NCOA1: variants seen among roughly 807,000 people sequenced by gnomAD.
The protein encoded by NCOA1 is nuclear receptor coactivator 1.
In NCOA1, 35 loss-of-function variants were observed where a neutral mutation model predicts 150.9. That is an observed-to-expected ratio of 0.23 (90% confidence interval 0.18 to 0.31). The LOEUF is 0.31. Ranked by LOEUF, NCOA1 falls within the 10% of genes least tolerant of loss-of-function variation. The pLI is 1.00. For missense variants in NCOA1, 1,491 were observed against 1,749.3 expected, an observed-to-expected ratio of 0.85 and a Z score of 2.63; for synonymous variants, 590 against 630.0, an observed-to-expected ratio of 0.94 and a Z score of 0.95.
At chr2:24,494,824 A>G (rs1663131366) in intron 1 of NCOA1, among the ~76,000 whole-genome samples, 1 of 152,202 alleles carries the variant, frequency 6.6e-6, no homozygotes. Context: ...CCCATTTGGG[A>G]AGACTAGACT....
At chr2:24,734,638 T>TA (rs1029889951) in intron 17 of NCOA1, among the ~76,000 whole-genome samples, 17 of 151,316 alleles carry the variant, frequency 1.1e-4, no homozygotes, top group Admixed American at 2.0e-4. Context: ...CTACCAAAAA[T>TA]AAAAAAAACC....
Position 24,707,277 on chromosome 2 carries a change from A to C in NCOA1, c.1807A>C (p.Ser603Arg). ...AATGATTCAATCTGACAACAGCTCTAGTGATGGCAAACCTCTGGATTCAGG... is the reference window on the plus strand; with the variant it reads ...AATGATTCAATCTGACAACAGCTCTCGTGATGGCAAACCTCTGGATTCAGG... ...NEMIQSDNSS[S>R]DGKPLDSGLL... is the part of the protein sequence containing the mutation. Residue 603 changes from serine (S) to arginine (R), a missense_variant, in exon 13 of 23, where the codon AGT (serine) becomes CGT (arginine). This residue lies in a region of NCOA1 where 703 missense variants were observed against 717.7 expected (regional missense o/e 0.98). Coordinates refer to ENST00000348332, the MANE Select transcript of NCOA1 (RefSeq NM_003743.5). 3.1e-6 allele frequency: 5 copies of C among 1,614,248 alleles called. No individual in the cohort carries two copies. The highest frequency in any genetic ancestry group is 4.2e-6 in the Non-Finnish European group (5 of 1,180,036).
intron 3 of NCOA1, among the ~76,000 whole-genome samples, chr2:24,638,429 G>A (rs557402588): frequency 6.6e-6 from 1 of 151,982 alleles, no homozygotes. Flanking sequence ...TGTAAATAGT[G>A]TTGCAGTCAA....
At chr2:24,668,768 G>A (rs942927357) in intron 6 of NCOA1, among the ~76,000 whole-genome samples, 1 of 150,874 alleles carries the variant, frequency 6.6e-6, no homozygotes, top group South Asian at 2.1e-4. Context: ...GTTGGAGCAG[G>A]TGGATAGAGG....
At chr2:24,655,863 C>T (rs551409165) in intron 4 of NCOA1, among the ~76,000 whole-genome samples, 1 of 151,588 alleles carries the variant, frequency 6.6e-6, no homozygotes, top group African/African-American at 2.4e-5. Flanking sequence ...CCGAGGTGGG[C>T]AGATCACTAG....
At chr2:24,592,638 T>C (rs1302893070) in intron 3 of NCOA1, among the ~76,000 whole-genome samples, 2 of 148,754 alleles carry the variant, frequency 1.3e-5, no homozygotes, top group Admixed American at 1.4e-4. Context: ...TGGTTTCTTG[T>C]AGAGGCTCCT....
At chr2:24,498,547 G>A (rs1663320910) in intron 1 of NCOA1, among the ~76,000 whole-genome samples, 1 of 152,174 alleles carries the variant, frequency 6.6e-6, no homozygotes, top group Non-Finnish European at 1.5e-5. Context: ...GTAGACAAAA[G>A]CATTGAGGGC....
intron 22 of NCOA1, among the ~76,000 whole-genome samples, chr2:24,765,784 A>G: frequency 6.6e-6 from 1 of 152,192 alleles, no homozygotes; most frequent in East Asian, 1.9e-4. Context: ...AGTTGTGACA[A>G]TATAAGAAGT....
intron 3 of NCOA1, among the ~76,000 whole-genome samples, chr2:24,623,007 G>C (rs1025628639): frequency 3.3e-5 from 5 of 152,142 alleles, no homozygotes; most frequent in Non-Finnish European, 7.3e-5. Context: ...ATATTCATGG[G>C]GACAGAAGAG....
chr2:24,584,718 C>G (rs1196386747), intron 3 of NCOA1, among the ~76,000 whole-genome samples, 158 bp downstream of exon 3: 1 of 152,062 alleles, frequency 6.6e-6, no homozygotes, highest in East Asian at 1.9e-4. Context: ...GGATCAGGGC[C>G]CCTTTGAGAG....
At chr2:24,589,630 G>GGTGT (rs148118845) in intron 3 of NCOA1, among the ~76,000 whole-genome samples, 74,241 of 147,364 alleles carry the variant, frequency 0.5, 19,670 homozygotes, top group Non-Finnish European at 0.62. Context: ...AGAGGTTGGT[G>GGTGT]GTGTGTGTGT....
chr2:24,673,359 A>G lies in NCOA1; in HGVS notation c.257-7A>G. 6.5e-7 allele frequency: 1 copy of G among 1,538,004 alleles called. No individual in the cohort carries two copies. Among genetic ancestry groups the G allele is most frequent in the South Asian group, 1.3e-5 (1 of 75,990 alleles). On this transcript the variant is annotated splice_region_variant and splice_polypyrimidine_tract_variant and intron_variant, in intron 6 of 22. Coordinates refer to ENST00000348332, the MANE Select transcript of NCOA1 (RefSeq NM_003743.5). ...ATATGTGATTTTTTTAAGTTTCTTT[A>G]TTATAGAGAAATCAACAACTGATGA... is the stretch of plus-strand genomic sequence containing the variant.
chr2:24,514,152 G>A (rs991738767), intron 1 of NCOA1, among the ~76,000 whole-genome samples: 7 of 151,816 alleles, frequency 4.6e-5, no homozygotes, highest in African/African-American at 1.7e-4. Context: ...GCCGGGTGTG[G>A]TGGCACACAC....
intron 1 of NCOA1, among the ~76,000 whole-genome samples, chr2:24,527,222 A>G (rs1028590687): frequency 3.3e-5 from 5 of 152,174 alleles, no homozygotes; most frequent in African/African-American, 9.7e-5. Flanking sequence ...AGTAAAATAT[A>G]CTATTATTAT....
At chr2:24,743,759 G>A (rs1049510900) in intron 19 of NCOA1, among the ~76,000 whole-genome samples, 2 of 152,128 alleles carry the variant, frequency 1.3e-5, no homozygotes, top group African/African-American at 4.8e-5. Flanking sequence ...CAGCAAATGG[G>A]TTTTTAGCAG....
chr2:24,571,243 G>C lies in NCOA1; in HGVS notation c.-260+6813G>C, dbSNP rs545475884. 5.9e-5 allele frequency among the ~76,000 whole-genome samples: 9 copies of C among 152,158 alleles called. No homozygotes were observed. In the South Asian group the frequency reaches 1.5e-3, roughly 25 times the overall value. On this transcript the variant is annotated intron_variant, in intron 2 of 22. Coordinates refer to ENST00000348332, the MANE Select transcript of NCOA1 (RefSeq NM_003743.5). ...GCGTGAGGGGGTGGGAGTAATTCTT[G>C]ATAATATTCCCTAAACTTTTTGGAA...
intron 2 of NCOA1, among the ~76,000 whole-genome samples, chr2:24,572,021 C>T (rs1343057083): frequency 6.6e-6 from 1 of 152,122 alleles, no homozygotes; most frequent in African/African-American, 2.4e-5. Flanking sequence ...TAATTACCCC[C>T]TGCTTGACTT....
At chr2:24,638,370 T>C (rs919800098) in intron 3 of NCOA1, among the ~76,000 whole-genome samples, 1 of 152,082 alleles carries the variant, frequency 6.6e-6, no homozygotes, top group Non-Finnish European at 1.5e-5. Flanking sequence ...ATTTTCTTTA[T>C]CCATTCATCT....
In NCOA1 at chr2:24,752,166, C is replaced by T; in HGVS notation, c.3881+10C>T. On this transcript the variant is annotated intron_variant, in intron 20 of 22. Coordinates refer to ENST00000348332, the MANE Select transcript of NCOA1 (RefSeq NM_003743.5). Reference sequence around the variant, plus strand: ...CGATAGGAAACAACAAGTAAGGGGGCAGTTTTTATATATGAGCATCCTTGA... The same window carrying T: ...CGATAGGAAACAACAAGTAAGGGGGTAGTTTTTATATATGAGCATCCTTGA... The T allele has an allele frequency of 6.2e-7, 1 of 1,612,434 alleles. No individual in the cohort carries two copies. The highest frequency in any genetic ancestry group is 8.5e-7 in the Non-Finnish European group (1 of 1,178,920).
Sources: gnomAD v4.1 joint callset for allele counts (sites outside exome capture counted in the v4.1 genomes callset) on GRCh38, gnomAD v4.1.1 for gene constraint, gnomAD v4.1.1 regional missense constraint, MANE v1.5 for transcripts, NCBI Gene and HGNC (gene_info 2026-07-23, HGNC 2026-07-21) for gene names.